Variants in ZNF790 observed in about 807,000 individuals in gnomAD.
ZNF790 encodes zinc finger protein 790.
Under a neutral mutation model 12.1 loss-of-function variants are expected in ZNF790, and 8 were observed. The ratio of observed to expected loss-of-function variants is 0.66; its 90% CI spans 0.39 to 1.19. The LOEUF is 1.19. Among genes scored for constraint, ZNF790 ranks in the 50% most tolerant of loss-of-function variants. The pLI, the probability that ZNF790 is intolerant of heterozygous loss-of-function variation, is 0.01. For synonymous variants in ZNF790, 252 were observed against 244.3 expected, an observed-to-expected ratio of 1.03 and a Z score of -0.29; for missense variants, 707 against 752.2, an observed-to-expected ratio of 0.94 and a Z score of 0.70.
upstream of ZNF790, among the ~76,000 whole-genome samples, chr19:36,842,866 G>T (rs943168118): frequency 2.0e-5 from 3 of 151,774 alleles, no homozygotes; most frequent in Non-Finnish European, 4.4e-5. Context: ...TTAGCTGGGC[G>T]TAGTGGCGGA....
chr19:36,832,975 TAA>T (rs763094890), intron 1 of ZNF790, among the ~76,000 whole-genome samples: 9 of 134,654 alleles, frequency 6.7e-5, no homozygotes, highest in Admixed American at 7.5e-5. Flanking sequence ...AGACCTTCTC[TAA>T]AAAAAAAAAA....
upstream of ZNF790, among the ~76,000 whole-genome samples, chr19:36,839,615 C>CTCCTGGGCTCAAG (rs2072111206): frequency 6.6e-6 from 1 of 152,120 alleles, no homozygotes; most frequent in Non-Finnish European, 1.5e-5. Flanking sequence ...TGGTCTCGAA[C>CTCCTGGGCTCAAG]TCCTGGGCTC....
chr19:36,823,686 G>A lies in ZNF790; in HGVS notation c.114C>T (p.Tyr38=), dbSNP rs76893530. The A allele has an allele frequency of 5.0e-5, 80 of 1,610,002 alleles. No individual in the cohort carries two copies. In the East Asian group the frequency reaches 1.6e-3, roughly 32 times the overall value. The change falls in exon 3 of 5, where the codon TAC becomes TAT. Residue 38 remains tyrosine (Y), a synonymous_variant. Coordinates refer to ENST00000356725, the MANE Select transcript of ZNF790 (RefSeq NM_206894.4). ...TCTTACCCAGTGAGACCATGTTGCT[G>A]TAGTTCTCCAACATCACATCTCTAT... ...DLYRDVMLEN[Y]SNMVSLGFCI...
Position 36,819,346 on chromosome 19 carries a change from G to A in ZNF790, c.998C>T (p.Thr333Ile), listed in dbSNP as rs1343272004. 6.2e-7 allele frequency: 1 copy of A among 1,612,752 alleles called. No homozygotes were observed. The highest frequency in any genetic ancestry group is 1.1e-5 in the South Asian group (1 of 91,010). Residue 333 changes from threonine to isoleucine, a missense_variant, in exon 5 of 5, where the codon ACT becomes ATT. By Grantham distance (89) the Thr-to-Ile change is moderately conservative. Transcript: ENST00000356725. ...CTTACATTCATAAGGTTTTTCACCA[G>A]TGTGAATTCTCTGATGTTTAATAAG... ...SHLIKHQRIHTGEKPYECKEC... is the reference protein window; with the variant it reads ...SHLIKHQRIHIGEKPYECKEC...
intron 1 of ZNF790, among the ~76,000 whole-genome samples, chr19:36,847,511 A>T (rs1227361778): frequency 6.6e-6 from 1 of 152,110 alleles, no homozygotes; most frequent in African/African-American, 2.4e-5. Context: ...GCACTTTGGG[A>T]GGCCGAGGCG....
Position 36,818,747 on chromosome 19 carries a change from G to T in ZNF790, c.1597C>A (p.Pro533Thr), listed in dbSNP as rs371961628. The T allele has an allele frequency of 8.3e-5, 134 of 1,611,814 alleles. No individual in the cohort carries two copies. Among genetic ancestry groups the T allele is most frequent in the Non-Finnish European group, 1.1e-4 (131 of 1,179,364 alleles). Residue 533 changes from proline to threonine, a missense_variant, in exon 5 of 5, where the codon CCT (proline) becomes ACT (threonine). Pro to Thr is a conservative substitution (Grantham distance 38, BLOSUM62 -1). Transcript: ENST00000356725. Reference sequence around the variant, plus strand: ...TTCCCACATTCTTTACATACGTAAGGTTCCTCACCAGTATGCATTCTCTGA... The same window carrying T: ...TTCCCACATTCTTTACATACGTAAGTTTCCTCACCAGTATGCATTCTCTGA... ...RHQRMHTGEEPYVCKECGKSF... is the reference protein window; with the variant it reads ...RHQRMHTGEETYVCKECGKSF...
intron 1 of ZNF790, among the ~76,000 whole-genome samples, chr19:36,849,223 G>A (rs955664222): frequency 2.6e-5 from 4 of 152,028 alleles, no homozygotes; most frequent in South Asian, 2.1e-4. Context: ...CACCATGCCC[G>A]GCCCTTCCTG....
At chr19:36,830,609 A>G (rs2071927511) in intron 1 of ZNF790, among the ~76,000 whole-genome samples, 1 of 152,212 alleles carries the variant, frequency 6.6e-6, no homozygotes, top group South Asian at 2.1e-4. Context: ...AGTCCTCCTG[A>G]ACCAGTTGAG....
At chr19:36,840,785 G>A (rs1285671004), upstream of ZNF790, among the ~76,000 whole-genome samples, 1 of 152,102 alleles carries the variant, frequency 6.6e-6, no homozygotes, top group East Asian at 1.9e-4. Flanking sequence ...AAAGATGTAT[G>A]GTTTTCAGCA....
chr19:36,846,439 C>T (rs2072181638), intron 1 of ZNF790, among the ~76,000 whole-genome samples: 1 of 152,136 alleles, frequency 6.6e-6, no homozygotes, highest in Non-Finnish European at 1.5e-5. Flanking sequence ...GTGGCAGGCG[C>T]CTGCAGTCCC....
At chr19:36,822,877 G>GT (rs2071705917) in intron 4 of ZNF790, among the ~76,000 whole-genome samples, 2 of 151,586 alleles carry the variant, frequency 1.3e-5, no homozygotes, top group Non-Finnish European at 2.9e-5. Flanking sequence ...CTGAGACAGA[G>GT]TCTCACTCTG....
chr19:36,836,075 C>T (rs1403717747), intron 1 of ZNF790, among the ~76,000 whole-genome samples: 1 of 152,004 alleles, frequency 6.6e-6, no homozygotes, highest in African/African-American at 2.4e-5. Flanking sequence ...CCCCTTCTAT[C>T]TTAAGCTTCC....
upstream of ZNF790, among the ~76,000 whole-genome samples, chr19:36,842,813 G>C (rs2146092584): frequency 6.6e-6 from 1 of 151,992 alleles, no homozygotes; most frequent in East Asian, 1.9e-4. Context: ...AGAGCAGCCT[G>C]GCCAACATGG....
upstream of ZNF790, among the ~76,000 whole-genome samples, chr19:36,841,010 G>A (rs1171109933): frequency 6.6e-6 from 1 of 152,066 alleles, no homozygotes; most frequent in African/African-American, 2.4e-5. Flanking sequence ...AAGATATGAT[G>A]TAGATGTTGG....
At chr19:36,846,438 G>A (rs182460766) in intron 1 of ZNF790, among the ~76,000 whole-genome samples, 408 of 152,220 alleles carry the variant, frequency 2.7e-3, no homozygotes, top group Non-Finnish European at 4.1e-3. Context: ...GGTGGCAGGC[G>A]CCTGCAGTCC....
At chr19:36,825,100 T>G (rs187256763) in intron 2 of ZNF790, among the ~76,000 whole-genome samples, 1 of 152,198 alleles carries the variant, frequency 6.6e-6, no homozygotes, top group Admixed American at 6.5e-5. Context: ...GTTAATGATA[T>G]TAACCTTTCA....
intron 1 of ZNF790, among the ~76,000 whole-genome samples, chr19:36,833,752 C>A (rs2071987170): frequency 6.6e-6 from 1 of 152,092 alleles, no homozygotes. Flanking sequence ...GAAAACAAAT[C>A]ATGATTTCCC....
upstream of ZNF790, among the ~76,000 whole-genome samples, chr19:36,842,717 CA>C (rs943767919): frequency 6.7e-6 from 1 of 149,550 alleles, no homozygotes; most frequent in African/African-American, 2.5e-5. Flanking sequence ...ATGAAAAAGA[CA>C]TGAGGGGCTG....
intron 4 of ZNF790, among the ~76,000 whole-genome samples, chr19:36,823,027 TTTTTTGTTTTTG>T (rs565400916): frequency 6.6e-5 from 10 of 151,860 alleles, no homozygotes; most frequent in Admixed American, 2.0e-4. Flanking sequence ...TTTTTTGTAT[TTTTTTGTTTTTG>T]TTTTTGTTTT....
Sources: gnomAD v4.1 joint callset for allele counts (sites outside exome capture counted in the v4.1 genomes callset) on GRCh38, gnomAD v4.1.1 for gene constraint, MANE v1.5 for transcripts, NCBI Gene and HGNC (gene_info 2026-07-23, HGNC 2026-07-21) for gene names.